SETBP1: variants seen among roughly 807,000 people sequenced by gnomAD.
SETBP1 encodes the protein SET binding protein 1.
SETBP1 carries 9 observed loss-of-function variants against 101.0 expected under a neutral mutation model. That is an observed-to-expected ratio of 0.09 (90% CI 0.05 to 0.16). SETBP1 has a LOEUF of 0.16. Ranked by LOEUF, SETBP1 falls within the 10% of genes least tolerant of loss-of-function variation. The pLI is 1.00. For missense variants in SETBP1, 1,858 were observed against 2,033.8 expected (o/e 0.91, Z 1.66); for synonymous variants, 818 against 788.5 (o/e 1.04, Z -0.63).
At chr18:45,057,037 C>G (rs1448325597) in intron 5 of SETBP1, among the ~76,000 whole-genome samples, 1 of 152,172 alleles carries the variant, frequency 6.6e-6, no homozygotes. Context: ...ATATTAAGAA[C>G]AGAGTGAAAA....
intron 2 of SETBP1, among the ~76,000 whole-genome samples, chr18:44,727,220 T>TGTGTGTGTG (rs1335733269): frequency 4.7e-5 from 3 of 63,910 alleles, no homozygotes; most frequent in East Asian, 6.3e-4. Context: ...GTGTGTGTGT[T>TGTGTGTGTG]GATACCCAAA....
intron 2 of SETBP1, among the ~76,000 whole-genome samples, chr18:44,735,841 T>G (rs2069952935): frequency 6.6e-6 from 1 of 152,214 alleles, no homozygotes; most frequent in Non-Finnish European, 1.5e-5. Flanking sequence ...TCAAGGAAAC[T>G]CATCAGAAAG....
intron 2 of SETBP1, among the ~76,000 whole-genome samples, chr18:44,816,094 C>T (rs1392776635): frequency 1.3e-5 from 2 of 152,102 alleles, no homozygotes; most frequent in Non-Finnish European, 2.9e-5. Context: ...AAGAAGGAGG[C>T]CTGGGAGACA....
chr18:44,764,083 C>T (rs1022711850), intron 2 of SETBP1, among the ~76,000 whole-genome samples: 6 of 152,246 alleles, frequency 3.9e-5, no homozygotes, highest in African/African-American at 9.6e-5. Context: ...TTAGGATGCT[C>T]CTGTGCTCCA....
At chr18:44,699,579 T>C (rs1413981600) in intron 1 of SETBP1, among the ~76,000 whole-genome samples, 2 of 152,192 alleles carry the variant, frequency 1.3e-5, no homozygotes, top group African/African-American at 4.8e-5. Flanking sequence ...GGGTCACAGG[T>C]GGCTGTTTTC....
At chr18:44,686,985 T>C (rs984078585) in intron 1 of SETBP1, among the ~76,000 whole-genome samples, 1 of 152,212 alleles carries the variant, frequency 6.6e-6, no homozygotes, top group African/African-American at 2.4e-5. Context: ...AAAATTCCAA[T>C]TGTATTTTTT....
intron 3 of SETBP1, among the ~76,000 whole-genome samples, chr18:44,872,537 T>G (rs948471788): frequency 6.6e-6 from 1 of 152,246 alleles, no homozygotes; most frequent in Non-Finnish European, 1.5e-5. Context: ...TACCCCCTCT[T>G]GCTGGACAAC....
At chr18:44,729,619 T>G (rs2069790956) in intron 2 of SETBP1, among the ~76,000 whole-genome samples, 2 of 152,210 alleles carry the variant, frequency 1.3e-5, no homozygotes, top group Non-Finnish European at 2.9e-5. Context: ...GGGACACCCA[T>G]GTGGTGATAC....
chr18:44,954,840 C>G (rs2071448033), intron 4 of SETBP1, among the ~76,000 whole-genome samples: 1 of 152,178 alleles, frequency 6.6e-6, no homozygotes, highest in Non-Finnish European at 1.5e-5. Flanking sequence ...GCTAAGCCCA[C>G]CTGGGCAGGA....
chr18:44,798,558 A>G (rs1028877269), intron 2 of SETBP1, among the ~76,000 whole-genome samples: 7 of 152,316 alleles, frequency 4.6e-5, no homozygotes, highest in Middle Eastern at 3.4e-3. Flanking sequence ...CAGGGTGGAA[A>G]GAAAAACCAA....
At chr18:44,819,519 T>G (rs2072058247) in intron 2 of SETBP1, among the ~76,000 whole-genome samples, 1 of 152,180 alleles carries the variant, frequency 6.6e-6, no homozygotes, top group Non-Finnish European at 1.5e-5. Context: ...TTAATCTTCG[T>G]AAGATCCGAA....
intron 3 of SETBP1, among the ~76,000 whole-genome samples, chr18:44,872,730 A>T (rs1286536188): frequency 2.0e-5 from 3 of 152,244 alleles, no homozygotes; most frequent in Non-Finnish European, 4.4e-5. Flanking sequence ...CCTGTGGGTG[A>T]TGCCCACGTG....
At chr18:44,902,232 T>C (rs74947048) in intron 3 of SETBP1, among the ~76,000 whole-genome samples, 28 of 149,720 alleles carry the variant, frequency 1.9e-4, no homozygotes, top group Non-Finnish European at 2.8e-4. Context: ...ATCTCTCTCT[T>C]TCTCTCTCTC....
At chr18:45,043,409 A>G (rs1599487169) in intron 5 of SETBP1, among the ~76,000 whole-genome samples, 1 of 150,420 alleles carries the variant, frequency 6.6e-6, no homozygotes. Context: ...ACACATACAC[A>G]CCAACATTCT....
intron 2 of SETBP1, among the ~76,000 whole-genome samples, chr18:44,783,988 T>A (rs2071188749): frequency 6.6e-6 from 1 of 152,208 alleles, no homozygotes; most frequent in Non-Finnish European, 1.5e-5. Flanking sequence ...GCAGTTAATG[T>A]AGAAGGCCAC....
At chr18:44,928,370 A>C (rs1414151146) in intron 3 of SETBP1, among the ~76,000 whole-genome samples, 1 of 152,238 alleles carries the variant, frequency 6.6e-6, no homozygotes, top group Non-Finnish European at 1.5e-5. Flanking sequence ...TGCTATTGTG[A>C]ATAGTGCCAC....
intron 2 of SETBP1, among the ~76,000 whole-genome samples, chr18:44,855,776 G>C (rs143211851): frequency 6.6e-6 from 1 of 152,330 alleles, no homozygotes; most frequent in East Asian, 1.9e-4. Flanking sequence ...GGCATGGTGT[G>C]CTCAGATCTG....
chr18:44,858,070 G>T (rs1288294723), intron 2 of SETBP1, among the ~76,000 whole-genome samples: 1 of 152,166 alleles, frequency 6.6e-6, no homozygotes, highest in Non-Finnish European at 1.5e-5. Flanking sequence ...ACACAAGAGG[G>T]AGATTTTTAA....
chr18:44,929,311 A>C lies in SETBP1; in HGVS notation c.541-20570A>C, dbSNP rs573899809. ...TGGTCTATATCTCTGTTTTGGTAGC[A>C]GTACCATGCTGTTTTGGTTACTGTA... is the stretch of plus-strand genomic sequence containing the variant. On this transcript the variant is annotated intron_variant, in intron 3 of 5. Coordinates refer to ENST00000649279, the MANE Select transcript of SETBP1 (RefSeq NM_015559.3). Among the ~76,000 whole-genome samples the C allele has an allele frequency of 1.3e-4, 20 of 152,314 alleles. No homozygotes were observed. In the South Asian group the frequency reaches 4.1e-3, roughly 32 times the overall value.
Sources: gnomAD v4.1 joint callset for allele counts (sites outside exome capture counted in the v4.1 genomes callset) on GRCh38, gnomAD v4.1.1 for gene constraint, MANE v1.5 for transcripts, NCBI Gene and HGNC (gene_info 2026-07-23, HGNC 2026-07-21) for gene names.